The following ADCY2 variants were observed in gnomAD, a reference collection of about 807,000 sequenced individuals.
ADCY2 encodes adenylate cyclase type 2.
A neutral mutation model predicts 125.2 loss-of-function variants in ADCY2; 31 were observed. The ratio of observed to expected loss-of-function variants is 0.25; its 90% CI spans 0.19 to 0.33. ADCY2 has a LOEUF of 0.33. Among genes scored for constraint, ADCY2 ranks in the 10% least tolerant of loss-of-function variants. The pLI, the probability that ADCY2 is intolerant of heterozygous loss-of-function variation, is 1.00. For synonymous variants in ADCY2, 512 were observed against 548.4 expected (o/e 0.93, Z 0.93); for missense variants, 904 against 1,418.2 (o/e 0.64, Z 5.82).
At chr5:7,566,939 A>G (rs996476319) in intron 3 of ADCY2, among the ~76,000 whole-genome samples, 1 of 152,190 alleles carries the variant, frequency 6.6e-6, no homozygotes, top group African/African-American at 2.4e-5. Context: ...TGTCTTGACC[A>G]GTTTCAAGTG....
In ADCY2 at chr5:7,550,363, AAAG is replaced by A. The variant is rs1322823421; in HGVS notation, c.570+29471_570+29473del. ...AATCCCTGTCCCCAGAAGTATCATTAAAGAAGAAGTATGAGTCTGGAATGAGCA... is the reference window on the plus strand; with the variant it reads ...AATCCCTGTCCCCAGAAGTATCATTAAAGAAGTATGAGTCTGGAATGAGCA... On this transcript the variant is annotated intron_variant, in intron 3 of 24. Coordinates refer to ENST00000338316, the MANE Select transcript of ADCY2 (RefSeq NM_020546.3). Among the ~76,000 whole-genome samples, 4 of 152,356 alleles carry A rather than the reference AAAG, an allele frequency of 2.6e-5. No individual in the cohort carries two copies. The South Asian group carries it at 8.3e-4, about 32-fold the overall frequency.
chr5:7,516,172 A>T (rs953875269), intron 2 of ADCY2, among the ~76,000 whole-genome samples: 1 of 152,204 alleles, frequency 6.6e-6, no homozygotes, highest in Non-Finnish European at 1.5e-5. Flanking sequence ...TACTAGAGTC[A>T]AAGATGGTGC....
intron 22 of ADCY2, among the ~76,000 whole-genome samples, chr5:7,811,135 G>A (rs375418286): frequency 2.0e-5 from 3 of 152,154 alleles, no homozygotes; most frequent in African/African-American, 7.2e-5. Flanking sequence ...AGACAGGGAG[G>A]GGAGGGCAGG....
chr5:7,490,491 G>A (rs1181806175), intron 2 of ADCY2, among the ~76,000 whole-genome samples: 2 of 152,060 alleles, frequency 1.3e-5, no homozygotes, highest in African/African-American at 4.8e-5. Context: ...GAGCAATGAG[G>A]CCACAGAGGC....
chr5:7,766,670 A>T lies in ADCY2; in HGVS notation c.2095-17A>T, dbSNP rs751178817. 2 of 1,609,428 alleles carry T rather than the reference A, an allele frequency of 1.2e-6. No individual in the cohort carries two copies. The highest frequency in any genetic ancestry group is 2.2e-5 in the South Asian group (2 of 89,488). ...CTAATTTACATTAATTCATTGAAAAAAACCTTCTCTTTGCAGTTTTTCCTG... is the reference window on the plus strand; with the variant it reads ...CTAATTTACATTAATTCATTGAAAATAACCTTCTCTTTGCAGTTTTTCCTG... On this transcript the variant is annotated splice_polypyrimidine_tract_variant and intron_variant, in intron 16 of 24. Transcript: ENST00000338316.
chr5:7,552,421 T>G (rs537370795), intron 3 of ADCY2, among the ~76,000 whole-genome samples: 3 of 152,238 alleles, frequency 2.0e-5, no homozygotes, highest in Non-Finnish European at 4.4e-5. Context: ...AAGCTGTATT[T>G]CTTTATTGCA....
chr5:7,536,442 A>T (rs1383847266), intron 3 of ADCY2, among the ~76,000 whole-genome samples: 1 of 152,136 alleles, frequency 6.6e-6, no homozygotes, highest in Non-Finnish European at 1.5e-5. Context: ...CGTCACTGTC[A>T]TCCCCCCCAC....
At chr5:7,783,267 T>C (rs2126496185) in intron 18 of ADCY2, among the ~76,000 whole-genome samples, 1 of 152,328 alleles carries the variant, frequency 6.6e-6, no homozygotes, top group Admixed American at 6.5e-5. Context: ...AAATCACAAG[T>C]ATCATTTGGA....
intron 3 of ADCY2, among the ~76,000 whole-genome samples, chr5:7,571,221 C>T (rs60427768): frequency 0.057 from 8,656 of 152,114 alleles, 299 homozygotes; most frequent in Middle Eastern, 0.11. Flanking sequence ...TGAGAAATTC[C>T]ATGATCTATC....
At chr5:7,630,283 T>A (rs1161783725) in intron 4 of ADCY2, among the ~76,000 whole-genome samples, 1 of 152,236 alleles carries the variant, frequency 6.6e-6, no homozygotes, top group Non-Finnish European at 1.5e-5. Context: ...ATTTACCTGT[T>A]TTTAATCCTA....
rs376976692 is a variant in ADCY2, at chr5:7,726,079, A to G, written c.1774-1085A>G. ...ACCCCTCAGAGATCCCTCATGCAGC[A>G]CTAAACTAGAGAGGCTAAAATCCCA... On this transcript the variant is annotated intron_variant, in intron 13 of 24. Transcript: ENST00000338316. Among the ~76,000 whole-genome samples, 11 of 152,338 alleles carry G rather than the reference A, an allele frequency of 7.2e-5. No individual in the cohort carries two copies. In the South Asian group the frequency reaches 2.3e-3, roughly 32 times the overall value.
intron 3 of ADCY2, among the ~76,000 whole-genome samples, chr5:7,613,390 G>T (rs1459039191): frequency 6.6e-6 from 1 of 152,114 alleles, no homozygotes; most frequent in Non-Finnish European, 1.5e-5. Context: ...TCTGACACCA[G>T]CTGGTGGCAC....
At chr5:7,674,221 A>G (rs986016041) in intron 4 of ADCY2, among the ~76,000 whole-genome samples, 3 of 152,146 alleles carry the variant, frequency 2.0e-5, no homozygotes, top group African/African-American at 7.2e-5. Flanking sequence ...CAGTAGGAGC[A>G]TCGTATTTCC....
At chr5:7,594,770 C>T (rs1300527479) in intron 3 of ADCY2, among the ~76,000 whole-genome samples, 1 of 152,172 alleles carries the variant, frequency 6.6e-6, no homozygotes, top group Non-Finnish European at 1.5e-5. Flanking sequence ...GGGAAACATT[C>T]ATCCAAAAGA....
intron 9 of ADCY2, among the ~76,000 whole-genome samples, chr5:7,708,845 T>C (rs1741347075): frequency 6.6e-6 from 1 of 152,072 alleles, no homozygotes; most frequent in Non-Finnish European, 1.5e-5. Flanking sequence ...CAAAACACGA[T>C]GTTTGGGGCT....
intron 15 of ADCY2, among the ~76,000 whole-genome samples, chr5:7,751,356 T>C (rs4404647): frequency 0.86 from 130,520 of 152,084 alleles, 56,211 homozygotes; most frequent in East Asian, 0.97. Context: ...CTTCCTCATA[T>C]GGTCCATTGC....
intron 24 of ADCY2, among the ~76,000 whole-genome samples, chr5:7,826,039 C>T (rs941626277): frequency 2.6e-5 from 4 of 152,198 alleles, no homozygotes; most frequent in African/African-American, 4.8e-5. Context: ...CCTTAGCCCC[C>T]GTTTCAATGC....
intron 16 of ADCY2, among the ~76,000 whole-genome samples, chr5:7,764,166 A>G (rs1019079824): frequency 6.6e-6 from 1 of 152,244 alleles, no homozygotes; most frequent in Non-Finnish European, 1.5e-5. Context: ...ATGTTTATCC[A>G]TGTGATACCA....
At chr5:7,654,317 G>A (rs993687706) in intron 4 of ADCY2, 6 of 360,588 alleles carry the variant, frequency 1.7e-5, no homozygotes, top group Non-Finnish European at 3.3e-5. Context: ...CCTCACTGCA[G>A]CACAGGGAGG....
Sources: allele counts gnomAD v4.1 joint callset (sites outside exome capture counted in the v4.1 genomes callset), GRCh38; gene constraint gnomAD v4.1.1; transcripts MANE v1.5; gene names NCBI Gene and HGNC (gene_info 2026-07-23, HGNC 2026-07-21).